DAB1: variants seen among roughly 807,000 people sequenced by gnomAD.
DAB1 encodes the protein disabled homolog 1.
Under a neutral mutation model 64.6 loss-of-function variants are expected in DAB1, and 15 were observed. That is an observed-to-expected ratio of 0.23 (90% CI 0.16 to 0.36). The LOEUF (loss-of-function observed/expected upper bound fraction) is 0.36, where lower values mean the gene tolerates loss of function less well. DAB1 is among the 10% of genes least tolerant of loss of function. The probability of loss-of-function intolerance (pLI) is 1.00; values close to 1 mark genes in which losing one functional copy is unlikely to be tolerated. For missense variants in DAB1, 596 were observed against 706.7 expected, an observed-to-expected ratio of 0.84 and a Z score of 1.78; for synonymous variants, 235 against 251.9, an observed-to-expected ratio of 0.93 and a Z score of 0.64.
At chr1:57,349,543 G>A (rs1052459354) in intron 1 of DAB1, among the ~76,000 whole-genome samples, 7 of 152,110 alleles carry the variant, frequency 4.6e-5, no homozygotes, top group African/African-American at 9.7e-5. Context: ...GAAGGTCATC[G>A]GGATTTTGAA....
At chr1:57,156,001 C>G (rs745530427) in intron 2 of DAB1, among the ~76,000 whole-genome samples, 1 of 152,004 alleles carries the variant, frequency 6.6e-6, no homozygotes, top group Non-Finnish European at 1.5e-5. Flanking sequence ...AATTTGGATG[C>G]CCTAAGAATC....
At chr1:58,146,307 T>C (rs540961492) in intron 5 of DAB1, among the ~76,000 whole-genome samples, 12 of 152,284 alleles carry the variant, frequency 7.9e-5, no homozygotes, top group African/African-American at 2.9e-4. Flanking sequence ...AATTAACATA[T>C]CCATATGTTC....
At chr1:58,158,053 T>C (rs1655312524) in intron 4 of DAB1, among the ~76,000 whole-genome samples, 1 of 152,168 alleles carries the variant, frequency 6.6e-6, no homozygotes, top group South Asian at 2.1e-4. Context: ...AAAGCTATAT[T>C]CTGCCTGTCC....
At chr1:58,069,846 C>T (rs1649122598) in intron 5 of DAB1, among the ~76,000 whole-genome samples, 1 of 152,182 alleles carries the variant, frequency 6.6e-6, no homozygotes. Context: ...AGGCTTCAAA[C>T]CCACATTTTC....
intron 9 of DAB1, among the ~76,000 whole-genome samples, chr1:57,035,863 G>A (rs1253638909): frequency 3.2e-4 from 4 of 12,464 alleles, no homozygotes; most frequent in Non-Finnish European, 5.6e-4. Context: ...TTTTTTTTTT[G>A]AGACAGGGTC....
At chr1:57,079,742 G>A (rs1393326439) in intron 4 of DAB1, among the ~76,000 whole-genome samples, 1 of 152,146 alleles carries the variant, frequency 6.6e-6, no homozygotes, top group Admixed American at 6.5e-5. Flanking sequence ...TGCATATGCT[G>A]TTCCAGTTGC....
intron 3 of DAB1, among the ~76,000 whole-genome samples, chr1:58,421,061 C>T (rs1470060290): frequency 6.6e-6 from 1 of 152,152 alleles, no homozygotes; most frequent in Non-Finnish European, 1.5e-5. Flanking sequence ...TCACACAACC[C>T]CCAGGCCACC....
At chr1:57,350,460 A>G (rs1678492090) in intron 1 of DAB1, among the ~76,000 whole-genome samples, 1 of 152,310 alleles carries the variant, frequency 6.6e-6, no homozygotes, top group Non-Finnish European at 1.5e-5. Flanking sequence ...TGTTCATGGT[A>G]AATGTTTAGT....
rs192010745 is a variant in DAB1 at position 57,837,256 on chromosome 1, C to T, written n.88-10801G>A. The stretch of plus-strand genomic sequence containing the variant: ...CTTTCCTATTCTTAAAACCATTCAG[C>T]GGGTGCTAAGTGTTTTTCATTATTT... On this transcript the variant is annotated intron_variant and non_coding_transcript_variant, in intron 1 of 1. Transcript: ENST00000477280. 3.4e-4 allele frequency among the ~76,000 whole-genome samples: 52 copies of T among 152,302 alleles called. 1 individual carries two copies. The East Asian group carries it at 6.2e-3, about 18-fold the overall frequency.
intron 3 of DAB1, among the ~76,000 whole-genome samples, chr1:58,391,051 A>G (rs1644472018): frequency 6.6e-6 from 1 of 152,248 alleles, no homozygotes. Context: ...TATATCAGCC[A>G]GGAAAACTAA....
intron 1 of DAB1, among the ~76,000 whole-genome samples, chr1:57,391,683 A>C (rs1443826153): frequency 1.3e-5 from 2 of 152,008 alleles, no homozygotes; most frequent in Non-Finnish European, 2.9e-5. Flanking sequence ...ATCAGATGAA[A>C]ATAACTATAT....
intron 5 of DAB1, among the ~76,000 whole-genome samples, chr1:58,138,590 G>T (rs1369269733): frequency 1.3e-5 from 2 of 152,144 alleles, no homozygotes; most frequent in Non-Finnish European, 2.9e-5. Context: ...TGAAAGAAGT[G>T]GGTTGGGGGA....
At chr1:58,476,218 TTAAAA>T (rs1645417237) in intron 3 of DAB1, among the ~76,000 whole-genome samples, 1 of 150,296 alleles carries the variant, frequency 6.7e-6, no homozygotes. Flanking sequence ...CTCAAACTAA[TTAAAA>T]TAATTTTTTT....
At chr1:57,459,034 T>A (rs2101173495) in intron 7 of DAB1, among the ~76,000 whole-genome samples, 1 of 152,222 alleles carries the variant, frequency 6.6e-6, no homozygotes, top group African/African-American at 2.4e-5. Context: ...CTTTAACTGA[T>A]CAAAGTGATA....
intron 4 of DAB1, among the ~76,000 whole-genome samples, chr1:58,167,309 A>G (rs1277934459): frequency 6.6e-6 from 1 of 152,038 alleles, no homozygotes; most frequent in Non-Finnish European, 1.5e-5. Flanking sequence ...TAAATGCACC[A>G]ATCAGCACTC....
chr1:58,195,213 T>C (rs1031889837), intron 4 of DAB1, among the ~76,000 whole-genome samples: 12 of 152,204 alleles, frequency 7.9e-5, no homozygotes, highest in African/African-American at 2.6e-4. Context: ...TGGCAGGTGT[T>C]CCAAGTAAGA....
At position 58,045,950 on chromosome 1, in the gene DAB1, TTTTG is replaced by T. The variant is rs1236669706; in HGVS notation, n.387+104557_387+104560del. Reference sequence around the variant, plus strand: ...AAGATTATCAATTTTTTTTTTTTTTTTTTGGAGCCTCTGTTATTTATCTGAAAAT... The same window carrying T: ...AAGATTATCAATTTTTTTTTTTTTTTGAGCCTCTGTTATTTATCTGAAAAT... On this transcript the variant is annotated intron_variant and non_coding_transcript_variant, in intron 5 of 20. Transcript: ENST00000485760. Among the ~76,000 whole-genome samples the T allele has an allele frequency of 1.6e-4, 22 of 135,648 alleles. No homozygotes were observed. The South Asian group carries it at 5.0e-3, about 31-fold the overall frequency. 89.0% of individuals were successfully genotyped at this position (135,648 alleles called of 152,430 possible).
At chr1:58,415,396 A>G in intron 3 of DAB1, 1 of 244,010 alleles carries the variant, frequency 4.1e-6, no homozygotes, top group Non-Finnish European at 6.6e-6. Flanking sequence ...GAAGGTTTTA[A>G]TAAAAGGAAA....
In DAB1 at chr1:57,343,703, G is replaced by A. The variant is rs1197723733; in HGVS notation, c.-136-52537C>T. On this transcript the variant is annotated intron_variant, in intron 1 of 14. Transcript: ENST00000371236. ...GTGGGGCCGGCCGGCCGCTCCAAGT[G>A]TGGGGTCCGCGGAGCCCACGCCCAC... Among the ~76,000 whole-genome samples the A allele has an allele frequency of 3.3e-5, 5 of 152,246 alleles. No individual in the cohort carries two copies. In the South Asian group the frequency reaches 6.2e-4, roughly 19 times the overall value.
Sources: allele counts gnomAD v4.1 joint callset (sites outside exome capture counted in the v4.1 genomes callset), GRCh38; gene constraint gnomAD v4.1.1; transcripts MANE v1.5; gene names NCBI Gene and HGNC (gene_info 2026-07-23, HGNC 2026-07-21).